Variants in FMN2 observed in about 807,000 individuals in gnomAD.
The protein encoded by FMN2 is formin-2.
FMN2 carries 51 observed loss-of-function variants against 142.3 expected under a neutral mutation model. The ratio of observed to expected loss-of-function variants is 0.36; its 90% CI spans 0.29 to 0.45. The LOEUF is 0.45. Among genes scored for constraint, FMN2 ranks in the 20% least tolerant of loss-of-function variants. FMN2 has a pLI of 1.00. For missense variants in FMN2, 1,936 were observed against 2,122.8 expected (o/e 0.91, Z 1.73); for synonymous variants, 882 against 869.8 (o/e 1.01, Z -0.25).
At chr1:240,385,986 G>T (rs1452903496) in intron 14 of FMN2, among the ~76,000 whole-genome samples, 1 of 152,094 alleles carries the variant, frequency 6.6e-6, no homozygotes, top group South Asian at 2.1e-4. Flanking sequence ...TGCCTCAAAT[G>T]CTCTCTTTCT....
chr1:240,377,411 A>G (rs949178429), intron 14 of FMN2, among the ~76,000 whole-genome samples: 1 of 152,080 alleles, frequency 6.6e-6, no homozygotes, highest in African/African-American at 2.4e-5. Context: ...TTAGTGCTGT[A>G]ACAAATTACC....
At chr1:240,144,976 C>T (rs555047362) in intron 2 of FMN2, 2 of 1,271,664 alleles carry the variant, frequency 1.6e-6, no homozygotes, top group East Asian at 2.3e-5. Context: ...ACTCCCCACT[C>T]ATGGTCATGG....
intron 8 of FMN2, among the ~76,000 whole-genome samples, chr1:240,305,780 C>A (rs945567458): frequency 1.4e-5 from 2 of 148,044 alleles, no homozygotes; most frequent in East Asian, 4.0e-4. Flanking sequence ...CATGTATATC[C>A]CTTTTATGTA....
intron 2 of FMN2, among the ~76,000 whole-genome samples, chr1:240,157,278 T>G (rs979937381): frequency 6.6e-6 from 1 of 152,192 alleles, no homozygotes; most frequent in Non-Finnish European, 1.5e-5. Flanking sequence ...TGCTCACAAT[T>G]AATTACTCAA....
chr1:240,138,487 G>A (rs1663046639), intron 2 of FMN2, among the ~76,000 whole-genome samples: 1 of 151,878 alleles, frequency 6.6e-6, no homozygotes, highest in South Asian at 2.1e-4. Context: ...ATCACTTAAG[G>A]TCAGGAGTTC....
chr1:240,236,767 C>T (rs186328986), intron 6 of FMN2, among the ~76,000 whole-genome samples: 6 of 152,286 alleles, frequency 3.9e-5, no homozygotes, highest in East Asian at 3.9e-4. Flanking sequence ...CATTCATGAG[C>T]GATCCTCTCC....
At chr1:240,448,422 A>C (rs1183016271) in intron 16 of FMN2, among the ~76,000 whole-genome samples, 2 of 152,202 alleles carry the variant, frequency 1.3e-5, no homozygotes, top group African/African-American at 4.8e-5. Context: ...TATTGTGAAT[A>C]AACTTTTTCA....
chr1:240,384,512 C>T (rs893699998), intron 14 of FMN2, among the ~76,000 whole-genome samples: 1 of 152,150 alleles, frequency 6.6e-6, no homozygotes, highest in Non-Finnish European at 1.5e-5. Context: ...ACCTTTGCTT[C>T]TGTGTCTTTT....
chr1:240,144,964 G>T (rs149541660), intron 2 of FMN2: 1 of 1,255,628 alleles, frequency 8.0e-7, no homozygotes. Context: ...TGAGGCACTC[G>T]CACTCCCCAC....
intron 7 of FMN2, among the ~76,000 whole-genome samples, chr1:240,284,638 A>C (rs1235922823): frequency 1.3e-5 from 2 of 152,206 alleles, no homozygotes; most frequent in East Asian, 3.9e-4. Context: ...GAAGAGGGAA[A>C]TATTTCTACT....
intron 13 of FMN2, among the ~76,000 whole-genome samples, chr1:240,344,327 C>G (rs573754206): frequency 1.3e-5 from 2 of 152,290 alleles, no homozygotes; most frequent in South Asian, 4.1e-4. Context: ...TTGTGTCATT[C>G]CATGATTTCC....
At chr1:240,143,064 G>A (rs1165626082) in intron 2 of FMN2, 2 of 1,504,872 alleles carry the variant, frequency 1.3e-6, no homozygotes, top group Non-Finnish European at 9.2e-7. Context: ...GGGGCAGAGG[G>A]TAAGTGTACC....
At chr1:240,143,999 A>T (rs1325392610) in intron 2 of FMN2, 2 of 1,246,138 alleles carry the variant, frequency 1.6e-6, no homozygotes, top group Non-Finnish European at 2.4e-6. Flanking sequence ...CAGAGCAGGG[A>T]CACACTCATT....
intron 5 of FMN2, among the ~76,000 whole-genome samples, 200 bp from the exon 6 acceptor site, chr1:240,210,891 G>T (rs1249842758): frequency 6.6e-6 from 1 of 152,076 alleles, no homozygotes; most frequent in East Asian, 1.9e-4. Context: ...TTCATGGATG[G>T]TATTTCAACT....
At chr1:240,183,415 A>AAT (rs781489041) in intron 3 of FMN2, among the ~76,000 whole-genome samples, 2 of 147,966 alleles carry the variant, frequency 1.4e-5, no homozygotes, top group South Asian at 2.1e-4. Context: ...TATATAATAT[A>AAT]ATATATATAT....
rs189587826 is a variant in FMN2, at chr1:240,321,461, A to G, written c.4216-7615A>G. 3.0e-3 allele frequency among the ~76,000 whole-genome samples: 464 copies of G among 152,366 alleles called. 2 individuals carry two copies. The highest frequency in any genetic ancestry group is 0.011 in the African/African-American group (444 of 41,586). ...TATTTTTAGTAATCCAAAATGACAT[A>G]TCCCAGAATCTGGGAGCTCTGTGTA... is the stretch of plus-strand genomic sequence containing the variant. On this transcript the variant is annotated intron_variant, in intron 8 of 17. Coordinates refer to ENST00000319653, the MANE Select transcript of FMN2 (RefSeq NM_020066.5).
chr1:240,379,474 C>A (rs999058339), intron 14 of FMN2, among the ~76,000 whole-genome samples: 3 of 152,106 alleles, frequency 2.0e-5, no homozygotes, highest in Non-Finnish European at 1.5e-5. Flanking sequence ...GAACTCTGTT[C>A]CTCATCTTTT....
At chr1:240,392,390 T>C in intron 14 of FMN2, 121 bp from the exon 15 acceptor site, 3 of 612,592 alleles carry the variant, frequency 4.9e-6, no homozygotes, top group Non-Finnish European at 8.2e-6. Context: ...AATAAGCTTC[T>C]GGTTGTAGTA....
At chr1:240,400,158 C>G (rs1673924824) in intron 15 of FMN2, among the ~76,000 whole-genome samples, 1 of 152,084 alleles carries the variant, frequency 6.6e-6, no homozygotes, top group Admixed American at 6.5e-5. Flanking sequence ...CAAGAAGGAT[C>G]CTTTTGGGAT....
Sources: allele counts gnomAD v4.1 joint callset (sites outside exome capture counted in the v4.1 genomes callset), GRCh38; gene constraint gnomAD v4.1.1; transcripts MANE v1.5; gene names NCBI Gene and HGNC (gene_info 2026-07-23, HGNC 2026-07-21).